Variants in ERCC8 observed in about 807,000 individuals in gnomAD.
The protein encoded by ERCC8 is ERCC excision repair 8, CSA ubiquitin ligase complex subunit.
In ERCC8, 52 loss-of-function variants were observed where a neutral mutation model predicts 54.9. That is an observed-to-expected ratio of 0.95 (90% confidence interval 0.76 to 1.19). The LOEUF (loss-of-function observed/expected upper bound fraction) is 1.19. Ranked by LOEUF, ERCC8 falls within the 50% of genes most tolerant of loss-of-function variation. The probability of loss-of-function intolerance (pLI) is 0.00; values close to 1 mark genes in which losing one functional copy is unlikely to be tolerated. For missense variants in ERCC8, 514 were observed against 466.1 expected (o/e 1.10, Z -0.95); for synonymous variants, 146 against 157.2 (o/e 0.93, Z 0.53).
rs1747886356 is a variant in ERCC8 at position 60,872,609 on chromosome 5, GGC to G, written c.*2004_*2005del. 6.6e-6 allele frequency among the ~76,000 whole-genome samples: 1 copy of G among 152,122 alleles called. No homozygotes were observed. Among genetic ancestry groups the G allele is most frequent in the South Asian group, 2.1e-4 (1 of 4,816 alleles). ...GATACCACCTAACACCTGTTAGAAT[GGC>G]TACTATCAATAACACAAAAGATAAC... is the stretch of plus-strand genomic sequence containing the variant. On this transcript the variant is annotated 3_prime_UTR_variant, in exon 12 of 12. Transcript: ENST00000676185.
intron 9 of ERCC8, chr5:60,893,348 AT>A: frequency 1.2e-6 from 1 of 847,904 alleles, no homozygotes; most frequent in Non-Finnish European, 2.1e-6. Context: ...GTAGCTCTTG[AT>A]AGACCTGCGT....
rs1010665614 is a variant in ERCC8, at chr5:60,870,392, C to A, written c.*4223G>T. Among the ~76,000 whole-genome samples the A allele has an allele frequency of 6.7e-6, 1 of 150,346 alleles. No individual in the cohort carries two copies. The highest frequency in any genetic ancestry group is 1.5e-5 in the Non-Finnish European group (1 of 67,852). ...GGCACGGTGGCTCACGCCTGTAAAT[C>A]CCAGCACTTTGGGAGGCCGAGGCTG... On this transcript the variant is annotated 3_prime_UTR_variant, in exon 12 of 12. Coordinates refer to ENST00000676185, the MANE Select transcript of ERCC8 (RefSeq NM_000082.4).
intron 4 of ERCC8, among the ~76,000 whole-genome samples, chr5:60,911,888 G>A (rs376189861): frequency 3.3e-5 from 5 of 152,156 alleles, no homozygotes; most frequent in East Asian, 3.9e-4. Flanking sequence ...GTTTGTCAAA[G>A]ATTGGATGGT....
At chr5:60,938,024 T>TACATAC (rs1561518821) in intron 1 of ERCC8, among the ~76,000 whole-genome samples, 1 of 82,520 alleles carries the variant, frequency 1.2e-5, no homozygotes, top group Non-Finnish European at 2.2e-5. Flanking sequence ...TGTGTGTGTG[T>TACATAC]ATACATACAT....
rs113301812 is a variant in ERCC8 at position 60,868,748 on chromosome 5, T to C, written c.*5867A>G. Among the ~76,000 whole-genome samples, 371 of 152,300 alleles carry C rather than the reference T, an allele frequency of 2.4e-3. 8 individuals carry two copies. Among genetic ancestry groups the C allele is most frequent in the African/African-American group, 8.6e-3 (357 of 41,566 alleles). ...AGCACATTAAGAACTACACACATAT[T>C]CTTTGCAAAGAAGAAAAAATGTTTA... On this transcript the variant is annotated 3_prime_UTR_variant, in exon 12 of 12. Transcript: ENST00000676185.
At chr5:60,893,677 G>T in intron 9 of ERCC8, 1 of 488,226 alleles carries the variant, frequency 2.0e-6, no homozygotes, top group East Asian at 3.7e-5. Context: ...CTCTTGTGCT[G>T]CTAGGCTCCG....
chr5:60,927,322 T>C (rs900559716), intron 2 of ERCC8, among the ~76,000 whole-genome samples: 2 of 152,198 alleles, frequency 1.3e-5, no homozygotes, highest in African/African-American at 2.4e-5. Flanking sequence ...TCGATTTTTT[T>C]AGTTTTCCAC....
chr5:60,890,946 A>G lies in ERCC8; in HGVS notation c.984T>C (p.Thr328=), dbSNP rs1350620332. 5.6e-6 allele frequency: 9 copies of G among 1,613,674 alleles called. No individual in the cohort carries two copies. The highest frequency in any genetic ancestry group is 7.6e-6 in the Non-Finnish European group (9 of 1,179,720). Residue 328 remains threonine, a synonymous_variant, in exon 10 of 12, where the codon ACT becomes ACC. Coordinates refer to ENST00000676185, the MANE Select transcript of ERCC8 (RefSeq NM_000082.4). ...VYTVYSGEQI[T]MLKGHYKTVD... is the part of the protein sequence containing the mutation. ...CAGTTTTATAATGTCCCTTAAGCAT[A>G]GTTATCTGTTCTCCTGAGTAAACTG...
At chr5:60,919,870 A>C (rs748107555) in intron 3 of ERCC8, among the ~76,000 whole-genome samples, 11 of 152,030 alleles carry the variant, frequency 7.2e-5, no homozygotes, top group Middle Eastern at 3.4e-3. Flanking sequence ...AAAAAACAGT[A>C]ATTATGGGAA....
At position 60,887,551 on chromosome 5, in the gene ERCC8, G is replaced by A. The variant is rs532832540; in HGVS notation, c.1042-31C>T. 33 of 1,479,882 alleles carry A rather than the reference G, an allele frequency of 2.2e-5. No homozygotes were observed. In the East Asian group the frequency reaches 6.8e-4, roughly 30 times the overall value. The allele number at this position is 1,479,882 out of a possible 1,614,324, so 91.7% of individuals were successfully genotyped here. On this transcript the variant is annotated intron_variant, in intron 10 of 11. Coordinates refer to ENST00000676185, the MANE Select transcript of ERCC8 (RefSeq NM_000082.4). ...ACATAGAAGGCAAAGATGATACTGT[G>A]GATCAAGAGCTGATATCAAACTGAA...
At chr5:60,922,700 C>T (rs1354588032) in intron 2 of ERCC8, among the ~76,000 whole-genome samples, 2 of 152,068 alleles carry the variant, frequency 1.3e-5, no homozygotes, top group Non-Finnish European at 2.9e-5. Flanking sequence ...TTCCTTCCTT[C>T]TCTTATGAAT....
In ERCC8 at chr5:60,899,580, TA is replaced by T. The variant is rs781081565; in HGVS notation, c.718+46del. On this transcript the variant is annotated intron_variant, in intron 8 of 11. Transcript: ENST00000676185. ...TGGCTTCAATTAAAAATTTTCAATG[TA>T]AAAAAATACTATCATTGTCATATTT... 4.5e-5 allele frequency: 64 copies of T among 1,416,596 alleles called. No individual in the cohort carries two copies. The East Asian group carries it at 1.4e-3, about 30-fold the overall frequency. 87.8% of individuals were successfully genotyped at this position (1,416,596 alleles called of 1,614,324 possible). A position where few individuals can be genotyped will look rare whatever the true frequency, so the allele number is the denominator to read the frequency against.
chr5:60,928,514 A>G (rs989571286), intron 2 of ERCC8, among the ~76,000 whole-genome samples: 1 of 152,152 alleles, frequency 6.6e-6, no homozygotes, highest in African/African-American at 2.4e-5. Flanking sequence ...CACTTTTTAT[A>G]TTTATTTTAC....
At chr5:60,878,484 G>C (rs1002404132) in intron 11 of ERCC8, among the ~76,000 whole-genome samples, 4 of 152,156 alleles carry the variant, frequency 2.6e-5, no homozygotes, top group African/African-American at 7.2e-5. Context: ...GAATTCGGCT[G>C]TCAATCCATC....
chr5:60,923,286 A>G (rs1749653459), intron 2 of ERCC8, among the ~76,000 whole-genome samples: 3 of 152,170 alleles, frequency 2.0e-5, no homozygotes, highest in Admixed American at 2.0e-4. Flanking sequence ...AGCTATATAC[A>G]TTGATTGAAC....
At chr5:60,890,381 C>T (rs1748511584) in intron 10 of ERCC8, among the ~76,000 whole-genome samples, 1 of 152,088 alleles carries the variant, frequency 6.6e-6, no homozygotes, top group African/African-American at 2.4e-5. Flanking sequence ...ACCATCTGCT[C>T]CATTGGTGAT....
At chr5:60,917,894 A>C (rs1338706805) in intron 4 of ERCC8, 1 of 213,400 alleles carries the variant, frequency 4.7e-6, no homozygotes, top group Non-Finnish European at 9.5e-6. Flanking sequence ...ACTTTAGATT[A>C]CTAGATCATA....
intron 4 of ERCC8, among the ~76,000 whole-genome samples, chr5:60,905,644 T>A (rs1435674828): frequency 6.6e-6 from 1 of 152,236 alleles, no homozygotes; most frequent in Non-Finnish European, 1.5e-5. Context: ...ACTGCAGTGT[T>A]AAAGCAGTCA....
At chr5:60,875,140 T>C (rs1747960584) in intron 11 of ERCC8, among the ~76,000 whole-genome samples, 1 of 152,160 alleles carries the variant, frequency 6.6e-6, no homozygotes, top group Non-Finnish European at 1.5e-5. Flanking sequence ...CTTTTATAAA[T>C]AAACAAATAC....
Sources: gnomAD v4.1 joint callset for allele counts (sites outside exome capture counted in the v4.1 genomes callset) on GRCh38, gnomAD v4.1.1 for gene constraint, MANE v1.5 for transcripts, NCBI Gene and HGNC (gene_info 2026-07-23, HGNC 2026-07-21) for gene names.